GPC5: variants seen among roughly 807,000 people sequenced by gnomAD.
GPC5 encodes the protein glypican 5.
Under a neutral mutation model 53.9 loss-of-function variants are expected in GPC5, and 47 were observed. That is an observed-to-expected ratio of 0.87 (90% CI 0.69 to 1.11). GPC5 has a LOEUF of 1.11. GPC5 is among the 50% of genes most tolerant of loss of function. GPC5 has a pLI of 0.00. For synonymous variants in GPC5, 286 were observed against 263.3 expected, an observed-to-expected ratio of 1.09 and a Z score of -0.84; for missense variants, 748 against 713.1, an observed-to-expected ratio of 1.05 and a Z score of -0.56.
intron 7 of GPC5, among the ~76,000 whole-genome samples, chr13:92,522,195 C>T (rs1309105966): frequency 1.5e-4 from 23 of 152,136 alleles, no homozygotes; most frequent in East Asian, 1.4e-3. Flanking sequence ...TCAACCATTG[C>T]GGAAGACAGT....
chr13:92,594,429 G>A (rs975619750), intron 7 of GPC5, among the ~76,000 whole-genome samples: 2 of 152,124 alleles, frequency 1.3e-5, no homozygotes, highest in African/African-American at 4.8e-5. Context: ...TTAATGAATG[G>A]TAAGACAGTC....
At chr13:91,865,602 T>C (rs1240025551) in intron 5 of GPC5, among the ~76,000 whole-genome samples, 1 of 152,194 alleles carries the variant, frequency 6.6e-6, no homozygotes, top group Non-Finnish European at 1.5e-5. Context: ...CACATTTTTT[T>C]TAAACTTCTG....
chr13:92,284,294 C>T lies in GPC5; in HGVS notation c.1561+139305C>T, dbSNP rs185500290. 4.4e-3 allele frequency among the ~76,000 whole-genome samples: 676 copies of T among 152,230 alleles called. 5 individuals carry two copies. The highest frequency in any genetic ancestry group is 8.1e-3 in the Non-Finnish European group (551 of 68,020). On this transcript the variant is annotated intron_variant, in intron 7 of 7. Transcript: ENST00000377067. ...GTCCAGGACCAGACGGATTCAGAGC[C>T]GAGTTCTACTAGAGGTACAAGGAGG...
At chr13:91,648,769 C>T (rs924309822) in intron 2 of GPC5, among the ~76,000 whole-genome samples, 6 of 152,086 alleles carry the variant, frequency 3.9e-5, no homozygotes, top group African/African-American at 7.2e-5. Flanking sequence ...ATTTATTGAG[C>T]ATCTTTCCTG....
chr13:91,586,439 G>C (rs1234883611), intron 2 of GPC5, among the ~76,000 whole-genome samples: 1 of 133,266 alleles, frequency 7.5e-6, no homozygotes, highest in African/African-American at 2.7e-5. Context: ...TCATATGGCT[G>C]ACAAGGCCTC....
At chr13:91,774,508 G>A (rs553099892) in intron 5 of GPC5, among the ~76,000 whole-genome samples, 70 of 152,264 alleles carry the variant, frequency 4.6e-4, no homozygotes, top group African/African-American at 1.6e-3. Flanking sequence ...TGCAGGGCAG[G>A]ATGCTACAGG....
chr13:92,257,475 T>C (rs929861695), intron 7 of GPC5, among the ~76,000 whole-genome samples: 4 of 151,512 alleles, frequency 2.6e-5, no homozygotes, highest in Admixed American at 6.6e-5. Context: ...GTTTCTATTA[T>C]GTGCAAGATT....
In GPC5 at chr13:92,079,253, T is replaced by C. The variant is rs150908086; in HGVS notation, c.1402-65577T>C. On this transcript the variant is annotated intron_variant, in intron 6 of 7. Coordinates refer to ENST00000377067, the MANE Select transcript of GPC5 (RefSeq NM_004466.6). ...TTTTAGTAGAGATGAGGTTTCACCA[T>C]GTTGGCCAGGCTGGTCTCGAACTCC... Among the ~76,000 whole-genome samples, 1,062 of 152,192 alleles carry C rather than the reference T, an allele frequency of 7.0e-3. 17 individuals carry two copies. Among genetic ancestry groups the C allele is most frequent in the Middle Eastern group, 0.02 (6 of 294 alleles).
intron 2 of GPC5, among the ~76,000 whole-genome samples, chr13:91,460,886 G>T (rs1434893939): frequency 6.6e-6 from 1 of 151,992 alleles, no homozygotes; most frequent in East Asian, 1.9e-4. Context: ...TCTTTCCTCA[G>T]ACAAATAGAG....
intron 5 of GPC5, among the ~76,000 whole-genome samples, chr13:91,842,696 C>T (rs1250501083): frequency 1.5e-4 from 16 of 103,926 alleles, no homozygotes; most frequent in East Asian, 7.1e-4. Context: ...CACAGCGAGA[C>T]TCCGTCTCAA....
At chr13:92,054,749 C>A (rs1046479831) in intron 6 of GPC5, among the ~76,000 whole-genome samples, 1 of 152,152 alleles carries the variant, frequency 6.6e-6, no homozygotes, top group Non-Finnish European at 1.5e-5. Flanking sequence ...AGTACTATTG[C>A]AAAGATCATG....
chr13:91,657,800 A>T (rs1374136528), intron 2 of GPC5, among the ~76,000 whole-genome samples: 1 of 152,174 alleles, frequency 6.6e-6, no homozygotes. Context: ...ATCAAAGACC[A>T]TGGATAGTAT....
At chr13:91,522,665 A>AC (rs202236194) in intron 2 of GPC5, among the ~76,000 whole-genome samples, 1,892 of 151,704 alleles carry the variant, frequency 0.012, 40 homozygotes, top group African/African-American at 0.042. Flanking sequence ...CCCTCACCCT[A>AC]CCCCCAACCC....
chr13:92,345,924 G>C (rs1401524916), intron 7 of GPC5, among the ~76,000 whole-genome samples: 1 of 152,162 alleles, frequency 6.6e-6, no homozygotes, highest in Non-Finnish European at 1.5e-5. Flanking sequence ...CTCAATCAGT[G>C]ATACCAGCTG....
At chr13:92,086,092 G>T (rs2041333839) in intron 6 of GPC5, among the ~76,000 whole-genome samples, 1 of 152,178 alleles carries the variant, frequency 6.6e-6, no homozygotes, top group African/African-American at 2.4e-5. Context: ...GTGGCCTTCT[G>T]CATTAAAGGA....
intron 7 of GPC5, among the ~76,000 whole-genome samples, chr13:92,664,833 C>A (rs1187848250): frequency 1.3e-5 from 2 of 152,062 alleles, no homozygotes; most frequent in Admixed American, 1.3e-4. Flanking sequence ...ATAATTTACA[C>A]TAAGAATCAA....
chr13:91,634,495 A>G (rs571064931), intron 2 of GPC5, among the ~76,000 whole-genome samples: 1 of 152,220 alleles, frequency 6.6e-6, no homozygotes, highest in South Asian at 2.1e-4. Context: ...TAGAAGAAAA[A>G]TAAATGCTGA....
intron 6 of GPC5, among the ~76,000 whole-genome samples, chr13:91,997,476 T>C (rs1479200910): frequency 2.6e-5 from 4 of 152,238 alleles, no homozygotes; most frequent in Non-Finnish European, 4.4e-5. Flanking sequence ...GGTACAGATA[T>C]CTTCTTCCAT....
chr13:91,665,516 C>CTTTTTTTTT (rs1555335537), intron 2 of GPC5, among the ~76,000 whole-genome samples: 1 of 106,530 alleles, frequency 9.4e-6, no homozygotes, highest in African/African-American at 5.0e-5. Context: ...TTTTTTTTTT[C>CTTTTTTTTT]TTTTGAGACG....
Sources: allele counts gnomAD v4.1 joint callset (sites outside exome capture counted in the v4.1 genomes callset), GRCh38; gene constraint gnomAD v4.1.1; transcripts MANE v1.5; gene names NCBI Gene and HGNC (gene_info 2026-07-23, HGNC 2026-07-21).